The following FUT8 variants were observed in gnomAD, a reference collection of about 807,000 sequenced individuals.
FUT8 encodes the protein fucosyltransferase 8.
Under a neutral mutation model 71.3 loss-of-function variants are expected in FUT8, and 29 were observed. That is an observed-to-expected ratio of 0.41 (90% CI 0.30 to 0.55). The LOEUF is 0.55. Ranked by LOEUF, FUT8 falls within the 20% of genes least tolerant of loss-of-function variation. The probability of loss-of-function intolerance (pLI) is 0.34; values close to 1 mark genes in which losing one functional copy is unlikely to be tolerated. For synonymous variants in FUT8, 254 were observed against 239.3 expected (o/e 1.06, Z -0.57); for missense variants, 544 against 702.1 (o/e 0.77, Z 2.55).
the FUT8 span, among the ~76,000 whole-genome samples, chr14:65,380,629 C>T: frequency 6.6e-6 from 1 of 152,180 alleles, no homozygotes; most frequent in Non-Finnish European, 1.5e-5. Context: ...AACCTCATCC[C>T]CAACTTTACT....
the FUT8 span, among the ~76,000 whole-genome samples, chr14:65,402,741 C>T: frequency 6.6e-6 from 1 of 152,184 alleles, no homozygotes; most frequent in South Asian, 2.1e-4. Flanking sequence ...CTCAAACAAT[C>T]TCCTGCCTCA....
chr14:65,593,149 T>C (rs558597966), intron 3 of FUT8, among the ~76,000 whole-genome samples: 2 of 152,356 alleles, frequency 1.3e-5, no homozygotes, highest in African/African-American at 4.8e-5. Context: ...TCCTAGATTA[T>C]TGATTTTACC....
At chr14:65,739,186 C>T (rs1185196108) in intron 10 of FUT8, among the ~76,000 whole-genome samples, 3 of 151,932 alleles carry the variant, frequency 2.0e-5, no homozygotes, top group East Asian at 1.9e-4. Context: ...ACTATTATAA[C>T]ACTGCCTGGG....
chr14:65,723,469 G>T (rs1895527751), intron 8 of FUT8, among the ~76,000 whole-genome samples: 1 of 152,146 alleles, frequency 6.6e-6, no homozygotes, highest in Non-Finnish European at 1.5e-5. Flanking sequence ...TATGACAGGT[G>T]AAATTAATAT....
chr14:65,469,474 G>A (rs951582896), intron 2 of FUT8, among the ~76,000 whole-genome samples: 1 of 151,608 alleles, frequency 6.6e-6, no homozygotes, highest in Non-Finnish European at 1.5e-5. Flanking sequence ...TTAAGGTGTT[G>A]CTTTTCTGTC....
chr14:65,371,909 T>C, the FUT8 span, among the ~76,000 whole-genome samples: 3 of 145,250 alleles, frequency 2.1e-5, no homozygotes, highest in African/African-American at 7.8e-5. Flanking sequence ...AAGGAATGTA[T>C]GTATATATAT....
At chr14:65,408,207 C>A (rs1188294700), upstream of FUT8, among the ~76,000 whole-genome samples, 1 of 151,976 alleles carries the variant, frequency 6.6e-6, no homozygotes. Flanking sequence ...GGAAGTTAAG[C>A]CGAGAGAGGC....
intron 6 of FUT8, among the ~76,000 whole-genome samples, chr14:65,659,199 T>G (rs946894640): frequency 1.3e-5 from 2 of 152,004 alleles, no homozygotes; most frequent in South Asian, 2.1e-4. Context: ...GTTTTGTTTT[T>G]TTTTCATTAA....
At chr14:65,584,818 G>A (rs8016322) in intron 3 of FUT8, among the ~76,000 whole-genome samples, 96,017 of 152,078 alleles carry the variant, frequency 0.63, 30,588 homozygotes, top group East Asian at 0.84. Context: ...CTTAGTTTGT[G>A]TATGTTTGTA....
chr14:65,525,010 A>C (rs1021391740), intron 2 of FUT8, among the ~76,000 whole-genome samples: 4 of 151,908 alleles, frequency 2.6e-5, no homozygotes, highest in South Asian at 2.1e-4. Flanking sequence ...ATCTATGTTC[A>C]TCAGGGATAT....
In FUT8 at chr14:65,698,409, A is replaced by G. The variant is rs565775495; in HGVS notation, c.836-23366A>G. Among the ~76,000 whole-genome samples the G allele has an allele frequency of 2.6e-5, 4 of 152,350 alleles. No homozygotes were observed. In the South Asian group the frequency reaches 8.3e-4, roughly 32 times the overall value. ...CTGTCATGTACTATTTCGGTAGTAT[A>G]TATTTATGAAATAGTTGATGGGTCT... On this transcript the variant is annotated intron_variant, in intron 7 of 10. Coordinates refer to ENST00000673929, the MANE Select transcript of FUT8 (RefSeq NM_001371533.1).
intron 6 of FUT8, among the ~76,000 whole-genome samples, chr14:65,647,476 T>A (rs1891173633): frequency 6.6e-6 from 1 of 152,220 alleles, no homozygotes; most frequent in Non-Finnish European, 1.5e-5. Flanking sequence ...TGATTTTTCT[T>A]TCTCTGGGTT....
In FUT8 at chr14:65,659,735, C is replaced by T. The variant is rs980287651; in HGVS notation, c.598-9508C>T. On this transcript the variant is annotated intron_variant, in intron 6 of 10. Transcript: ENST00000673929. ...TCCGCCTTTCTTCCCCTCTGTTCTC[C>T]TCCCAACTCCCCTTTTTTCTATCTT... is the stretch of plus-strand genomic sequence containing the variant. Among the ~76,000 whole-genome samples, 4 of 152,112 alleles carry T rather than the reference C, an allele frequency of 2.6e-5. 1 individual carries two copies. The highest frequency in any genetic ancestry group is 4.2e-4 in the South Asian group (2 of 4,814).
chr14:65,492,725 G>A (rs73284143), intron 2 of FUT8, among the ~76,000 whole-genome samples: 1 of 151,962 alleles, frequency 6.6e-6, no homozygotes, highest in Admixed American at 6.6e-5. Context: ...GGAAGAGAAA[G>A]GAAATAAAAC....
intron 6 of FUT8, among the ~76,000 whole-genome samples, chr14:65,641,630 G>T (rs34701980): frequency 1.3e-5 from 2 of 152,122 alleles, no homozygotes; most frequent in Non-Finnish European, 2.9e-5. Context: ...TTTTCATCCA[G>T]CAGTGTCTGA....
intron 3 of FUT8, among the ~76,000 whole-genome samples, chr14:65,570,821 C>T: frequency 6.6e-6 from 1 of 152,138 alleles, no homozygotes; most frequent in East Asian, 1.9e-4. Context: ...TGTAACCTAA[C>T]TTAATAGGTA....
At chr14:65,428,808 A>G (rs930430304) in intron 1 of FUT8, among the ~76,000 whole-genome samples, 1 of 152,242 alleles carries the variant, frequency 6.6e-6, no homozygotes, top group African/African-American at 2.4e-5. Context: ...GAGAAGTACA[A>G]GACTATATGC....
the FUT8 span, among the ~76,000 whole-genome samples, chr14:65,359,258 T>C: frequency 6.6e-6 from 1 of 152,330 alleles, no homozygotes; most frequent in East Asian, 1.9e-4. Context: ...CAAGGACACA[T>C]GCTCTGCTGC....
At chr14:65,423,263 CTT>C (rs1180861343) in intron 1 of FUT8, among the ~76,000 whole-genome samples, 17 of 119,414 alleles carry the variant, frequency 1.4e-4, no homozygotes, top group Admixed American at 1.7e-4. Flanking sequence ...GATTTTCTTT[CTT>C]TTTTTTTTTT....
Sources: allele counts gnomAD v4.1 joint callset (sites outside exome capture counted in the v4.1 genomes callset), GRCh38; gene constraint gnomAD v4.1.1; transcripts MANE v1.5; gene names NCBI Gene and HGNC (gene_info 2026-07-23, HGNC 2026-07-21).